FAM133B: variants seen among roughly 807,000 people sequenced by gnomAD.
FAM133B encodes family with sequence similarity 133 member B.
Under a neutral mutation model 46.4 loss-of-function variants are expected in FAM133B, and 25 were observed. That is an observed-to-expected ratio of 0.54 (90% confidence interval 0.39 to 0.75). FAM133B has a LOEUF of 0.75. Among genes scored for constraint, FAM133B ranks in the 30% least tolerant of loss-of-function variants. The probability of loss-of-function intolerance (pLI) is 0.00; values close to 1 mark genes in which losing one functional copy is unlikely to be tolerated. For missense variants in FAM133B, 205 were observed against 277.6 expected, an observed-to-expected ratio of 0.74 and a Z score of 1.86; for synonymous variants, 75 against 86.0, an observed-to-expected ratio of 0.87 and a Z score of 0.71.
At chr7:92,584,279 A>G (rs189404014) in intron 1 of FAM133B, among the ~76,000 whole-genome samples, 3 of 152,236 alleles carry the variant, frequency 2.0e-5, no homozygotes, top group Admixed American at 1.3e-4. Context: ...GACTACCCTC[A>G]AGGTTGGTTT....
At chr7:92,587,106 TTC>T (rs149926382) in intron 1 of FAM133B, among the ~76,000 whole-genome samples, 6,619 of 152,248 alleles carry the variant, frequency 0.043, 367 homozygotes, top group East Asian at 0.27. Flanking sequence ...CCTCTGTACT[TTC>T]TGTTCAATTT....
At position 92,578,323 on chromosome 7, in the gene FAM133B, C is replaced by A. The variant is rs972942912; in HGVS notation, c.272G>T (p.Arg91Ile). Residue 91 changes from arginine (R) to isoleucine (I), a missense_variant, in exon 4 of 11, where the codon AGA becomes ATA. Physicochemically the swap from Arg to Ile is moderately conservative, Grantham distance 97. Coordinates refer to ENST00000445716, the MANE Select transcript of FAM133B (RefSeq NM_152789.4). Reference protein sequence around the residue: ...LSGSESSSKKRQRKKKEKKKS... With the variant: ...LSGSESSSKKIQRKKKEKKKS... ...ATAAACTAAAAGTGGTATTACCTGT[C>A]TTTTTTTGGATGAGCTCTCACTTCC... is the stretch of plus-strand genomic sequence containing the variant. The A allele has an allele frequency of 2.5e-6, 4 of 1,613,218 alleles. No individual in the cohort carries two copies. The highest frequency in any genetic ancestry group is 2.5e-6 in the Non-Finnish European group (3 of 1,179,542).
chr7:92,570,949 G>A (rs1399996175), intron 8 of FAM133B, among the ~76,000 whole-genome samples: 1 of 152,126 alleles, frequency 6.6e-6, no homozygotes, highest in Admixed American at 6.5e-5. Flanking sequence ...AATACCTGCT[G>A]TCTGGAACCT....
chr7:92,563,939 T>A (rs932225869), intron 10 of FAM133B, among the ~76,000 whole-genome samples: 1 of 152,236 alleles, frequency 6.6e-6, no homozygotes, highest in African/African-American at 2.4e-5. Context: ...TCCTCACTTG[T>A]GCCCACTTAT....
chr7:92,590,277 G>T lies in FAM133B; in HGVS notation c.15C>A (p.Asp5Glu), dbSNP rs1795163843. Residue 5 changes from aspartate (D) to glutamate (E), a missense_variant, in exon 1 of 11, where the codon GAC becomes GAA. Transcript: ENST00000445716. MGKR[D>E]NRVAYMNPIA... The stretch of plus-strand genomic sequence containing the variant: ...CCGGCTGAGTACTCACCACCCGATT[G>T]TCCCGCTTCCCCATGGTGCTGGATC... 1.2e-6 allele frequency: 2 copies of T among 1,613,622 alleles called. No individual in the cohort carries two copies. Among genetic ancestry groups the T allele is most frequent in the Non-Finnish European group, 1.7e-6 (2 of 1,179,738 alleles).
chr7:92,590,229 C>G, intron 1 of FAM133B, 39 bp downstream of exon 1: 1 of 1,613,546 alleles, frequency 6.2e-7, no homozygotes, highest in Non-Finnish European at 8.5e-7. Flanking sequence ...TGCCGCCGGG[C>G]CCTGCGTCGC....
At chr7:92,570,042 GTGT>G in intron 8 of FAM133B, 127 bp from the exon 9 acceptor site, 2 of 417,356 alleles carry the variant, frequency 4.8e-6, no homozygotes, top group Non-Finnish European at 8.5e-6. Flanking sequence ...TGTCTAAAAA[GTGT>G]AACATTTACC....
rs1369172843 is a variant in FAM133B, at chr7:92,566,005, G to T, written c.657+9C>A. The T allele has an allele frequency of 3.7e-6, 6 of 1,613,622 alleles. No homozygotes were observed. The highest frequency in any genetic ancestry group is 1.7e-4 in the Middle Eastern group (1 of 6,060). ...TCTATTGTCTGTAAAAACGTTAAGA[G>T]ATACTTGCTGTTGCTTTTTCTCGTT... is the stretch of plus-strand genomic sequence containing the variant. On this transcript the variant is annotated intron_variant, in intron 10 of 10. Coordinates refer to ENST00000445716, the MANE Select transcript of FAM133B (RefSeq NM_152789.4).
intron 1 of FAM133B, among the ~76,000 whole-genome samples, chr7:92,586,633 A>G (rs1484275335): frequency 1.3e-5 from 2 of 152,260 alleles, no homozygotes; most frequent in South Asian, 2.1e-4. Context: ...ATGAGTTCAG[A>G]TAACAGAAAA....
chr7:92,574,896 A>G (rs1190884228), intron 8 of FAM133B, among the ~76,000 whole-genome samples: 1 of 148,076 alleles, frequency 6.8e-6, no homozygotes, highest in Admixed American at 6.7e-5. Flanking sequence ...TGGGCGACAG[A>G]GCGAGACTCC....
At chr7:92,576,682 T>G (rs932558686) in intron 7 of FAM133B, among the ~76,000 whole-genome samples, 1 of 152,232 alleles carries the variant, frequency 6.6e-6, no homozygotes, top group Admixed American at 6.5e-5. Context: ...TTCTGACCAG[T>G]AATGTTTGAA....
chr7:92,587,672 T>C (rs1475708057), intron 1 of FAM133B, among the ~76,000 whole-genome samples: 1 of 152,098 alleles, frequency 6.6e-6, no homozygotes, highest in African/African-American at 2.4e-5. Context: ...AAGTTGAAGC[T>C]GCAGTGAGCC....
At position 92,583,864 on chromosome 7, in the gene FAM133B, C is replaced by T. The variant is rs111915393; in HGVS notation, c.25-2261G>A. Among the ~76,000 whole-genome samples, 30 of 151,844 alleles carry T rather than the reference C, an allele frequency of 2.0e-4. 1 individual carries two copies. Among genetic ancestry groups the T allele is most frequent in the African/African-American group, 6.8e-4 (28 of 41,454 alleles). ...AGGAGTTCGAGATCAGCCTGGCCAA[C>T]ATGGTGAAACCCTGTCTCTACTAAA... On this transcript the variant is annotated intron_variant, in intron 1 of 10. Coordinates refer to ENST00000445716, the MANE Select transcript of FAM133B (RefSeq NM_152789.4).
At position 92,590,163 on chromosome 7, in the gene FAM133B, G is replaced by C. The variant is rs1426343014; in HGVS notation, c.24+105C>G. On this transcript the variant is annotated intron_variant, in intron 1 of 10. Transcript: ENST00000445716. ...TGCTGGGTCTCCAGGCCCCACGTCT[G>C]AGGGCTGCCGCTTGCCCTCCGGCCC... 6 of 1,577,828 alleles carry C rather than the reference G, an allele frequency of 3.8e-6. 1 individual carries two copies. The highest frequency in any genetic ancestry group is 1.7e-6 in the Non-Finnish European group (2 of 1,151,734).
intron 1 of FAM133B, among the ~76,000 whole-genome samples, chr7:92,584,827 A>G (rs1249183751): frequency 6.6e-6 from 1 of 152,172 alleles, no homozygotes; most frequent in East Asian, 1.9e-4. Flanking sequence ...TGTACTGTTC[A>G]ACACAGTTAA....
At chr7:92,581,918 TGAG>T (rs1310748538) in intron 1 of FAM133B, 1 of 228,168 alleles carries the variant, frequency 4.4e-6, no homozygotes, top group Non-Finnish European at 8.6e-6. Context: ...AGTAACCCTG[TGAG>T]GGTGATAACA....
intron 8 of FAM133B, among the ~76,000 whole-genome samples, chr7:92,574,023 A>C (rs1217503367): frequency 1.3e-5 from 2 of 152,190 alleles, no homozygotes; most frequent in African/African-American, 4.8e-5. Flanking sequence ...AATTAATTAA[A>C]AAAAATTTAA....
intron 1 of FAM133B, 135 bp downstream of exon 1, chr7:92,590,133 G>C: frequency 7.5e-7 from 1 of 1,327,780 alleles, no homozygotes; most frequent in Non-Finnish European, 1.0e-6. Flanking sequence ...GGGATCGGCG[G>C]AGGGTGCTGG....
chr7:92,570,389 A>G (rs1416756169), intron 8 of FAM133B, among the ~76,000 whole-genome samples: 1 of 152,084 alleles, frequency 6.6e-6, no homozygotes, highest in African/African-American at 2.4e-5. Flanking sequence ...CTTAACCTCT[A>G]AGTATTTTTA....
Sources: allele counts gnomAD v4.1 joint callset (sites outside exome capture counted in the v4.1 genomes callset), GRCh38; gene constraint gnomAD v4.1.1; transcripts MANE v1.5; gene names NCBI Gene and HGNC (gene_info 2026-07-23, HGNC 2026-07-21).